The following MYT1L variants were observed in gnomAD, a reference collection of about 807,000 sequenced individuals.
MYT1L encodes myelin transcription factor 1 like.
A neutral mutation model predicts 126.7 loss-of-function variants in MYT1L; 12 were observed. The observed-to-expected ratio is 0.09, with a 90% CI of 0.06 to 0.15. MYT1L has a LOEUF of 0.15. Ranked by LOEUF, MYT1L falls within the 10% of genes least tolerant of loss-of-function variation. The pLI is 1.00. For missense variants in MYT1L, 979 were observed against 1,585.2 expected (o/e 0.62, Z 6.49); for synonymous variants, 541 against 604.2 (o/e 0.90, Z 1.53).
intron 2 of MYT1L, among the ~76,000 whole-genome samples, chr2:2,195,778 T>C (rs141880080): frequency 6.6e-6 from 1 of 152,234 alleles, no homozygotes; most frequent in African/African-American, 2.4e-5. Context: ...GTTGATGAGA[T>C]TAACAACAGA....
intron 2 of MYT1L, among the ~76,000 whole-genome samples, chr2:2,277,095 C>A (rs2095372057): frequency 6.6e-6 from 1 of 152,114 alleles, no homozygotes; most frequent in Non-Finnish European, 1.5e-5. Flanking sequence ...CATTCTCCTG[C>A]CTCAGTCACT....
chr2:1,831,248 C>CGGCTCCCCCCAGATGG (rs2040148956), intron 21 of MYT1L, among the ~76,000 whole-genome samples: 1 of 143,442 alleles, frequency 7.0e-6, no homozygotes, highest in African/African-American at 2.5e-5. Context: ...TGAGGACCCC[C>CGGCTCCCCCCAGATGG]AGCTCCCCAG....
At chr2:2,011,392 G>A (rs926556808) in intron 4 of MYT1L, among the ~76,000 whole-genome samples, 2 of 143,730 alleles carry the variant, frequency 1.4e-5, no homozygotes, top group African/African-American at 2.6e-5. Flanking sequence ...GACAGAGCAA[G>A]ACTCCATCTC....
chr2:1,855,488 G>A (rs1553432254), intron 18 of MYT1L, among the ~76,000 whole-genome samples: 1 of 152,190 alleles, frequency 6.6e-6, no homozygotes, highest in Non-Finnish European at 1.5e-5. Flanking sequence ...GGGAGGCTGC[G>A]GCTCTCAGCG....
intron 3 of MYT1L, among the ~76,000 whole-genome samples, chr2:2,081,385 A>G (rs2075807844): frequency 1.3e-5 from 2 of 152,148 alleles, no homozygotes; most frequent in Non-Finnish European, 2.9e-5. Context: ...CCTCTTGGCA[A>G]ATGCACCTCC....
At chr2:1,996,481 C>G (rs1196188439) in intron 5 of MYT1L, among the ~76,000 whole-genome samples, 1 of 131,672 alleles carries the variant, frequency 7.6e-6, no homozygotes, top group African/African-American at 3.0e-5. Context: ...GTGTGGGCTG[C>G]ACAGAGCCGA....
chr2:1,893,773 T>C (rs933100293), intron 14 of MYT1L, among the ~76,000 whole-genome samples: 1 of 152,110 alleles, frequency 6.6e-6, no homozygotes, highest in Non-Finnish European at 1.5e-5. Context: ...TTATGAGCAA[T>C]GCTAAGAAAT....
chr2:2,118,832 T>C (rs1431899781), intron 3 of MYT1L, among the ~76,000 whole-genome samples: 1 of 152,246 alleles, frequency 6.6e-6, no homozygotes, highest in African/African-American at 2.4e-5. Flanking sequence ...AAGTACATTC[T>C]ACTTTCTCAA....
At chr2:1,844,913 C>T (rs1276103001) in intron 19 of MYT1L, among the ~76,000 whole-genome samples, 2 of 151,952 alleles carry the variant, frequency 1.3e-5, no homozygotes, top group Non-Finnish European at 2.9e-5. Context: ...ATTGGAGCTA[C>T]AGCTCCATGC....
At chr2:1,984,832 G>A (rs1375743658) in intron 5 of MYT1L, among the ~76,000 whole-genome samples, 3 of 152,218 alleles carry the variant, frequency 2.0e-5, no homozygotes, top group African/African-American at 4.8e-5. Flanking sequence ...TTAAATGCAC[G>A]AAAATTTCAT....
At chr2:2,184,023 A>C (rs928763419) in intron 2 of MYT1L, among the ~76,000 whole-genome samples, 2 of 150,664 alleles carry the variant, frequency 1.3e-5, no homozygotes, top group Non-Finnish European at 3.0e-5. Flanking sequence ...GAGAGAAAGA[A>C]AGACAGAAAG....
chr2:1,860,633 C>T lies in MYT1L; in HGVS notation c.2712-8930G>A, dbSNP rs543880223. 3.9e-5 allele frequency among the ~76,000 whole-genome samples: 6 copies of T among 152,278 alleles called. No homozygotes were observed. The South Asian group carries it at 1.0e-3, about 26-fold the overall frequency. ...GCAGCTTGTTGCAGGGAATTCCTTT[C>T]GGGCGGTGGGATCCGGGATGAGATG... On this transcript the variant is annotated intron_variant, in intron 18 of 24. Transcript: ENST00000647738.
chr2:2,296,193 C>T (rs2095690956), intron 1 of MYT1L, among the ~76,000 whole-genome samples: 1 of 152,194 alleles, frequency 6.6e-6, no homozygotes. Context: ...ACCTGAGGTG[C>T]AGCTAAACTT....
At chr2:2,237,390 T>C (rs1172198013) in intron 2 of MYT1L, among the ~76,000 whole-genome samples, 3 of 152,146 alleles carry the variant, frequency 2.0e-5, no homozygotes, top group Non-Finnish European at 4.4e-5. Flanking sequence ...AAAGGCCCGT[T>C]CCTTCACAGG....
intron 1 of MYT1L, among the ~76,000 whole-genome samples, chr2:2,309,323 T>C (rs939097303): frequency 6.6e-6 from 1 of 151,394 alleles, no homozygotes; most frequent in African/African-American, 2.4e-5. Flanking sequence ...GTATACTCTA[T>C]CTATACTCTA....
intron 1 of MYT1L, chr2:2,306,161 G>A (rs952570156): frequency 3.3e-5 from 5 of 152,108 alleles, no homozygotes; most frequent in African/African-American, 9.7e-5. Flanking sequence ...TTGCCCTGGT[G>A]GGACAAAGTA....
chr2:1,968,810 T>G (rs753622016), intron 8 of MYT1L, among the ~76,000 whole-genome samples: 5 of 152,186 alleles, frequency 3.3e-5, no homozygotes, highest in Non-Finnish European at 7.4e-5. Flanking sequence ...GCGGCCACAG[T>G]GCCTTGCTCT....
intron 15 of MYT1L, among the ~76,000 whole-genome samples, chr2:1,891,099 C>A (rs2048816649): frequency 6.6e-6 from 1 of 151,950 alleles, no homozygotes; most frequent in South Asian, 2.1e-4. Context: ...GCACCTGACT[C>A]TTCTCCAATA....
chr2:1,918,813 G>C (rs1007494168), intron 10 of MYT1L, among the ~76,000 whole-genome samples: 1 of 152,162 alleles, frequency 6.6e-6, no homozygotes, highest in Non-Finnish European at 1.5e-5. Flanking sequence ...AAATTATGTG[G>C]TTGTGGCTTC....
Sources: allele counts gnomAD v4.1 joint callset (sites outside exome capture counted in the v4.1 genomes callset), GRCh38; gene constraint gnomAD v4.1.1; transcripts MANE v1.5; gene names NCBI Gene and HGNC (gene_info 2026-07-23, HGNC 2026-07-21).